Variants in DOCK4 observed in about 807,000 individuals in gnomAD.
The protein encoded by DOCK4 is dedicator of cytokinesis protein 4.
DOCK4 carries 97 observed loss-of-function variants against 268.1 expected under a neutral mutation model. The ratio of observed to expected loss-of-function variants is 0.36; its 90% confidence interval spans 0.31 to 0.43. The LOEUF (loss-of-function observed/expected upper bound fraction) is 0.43, where lower values mean the gene tolerates loss of function less well. Ranked by LOEUF, DOCK4 falls within the 20% of genes least tolerant of loss-of-function variation. DOCK4 has a pLI of 1.00. For synonymous variants in DOCK4, 954 were observed against 887.2 expected, an observed-to-expected ratio of 1.08 and a Z score of -1.34; for missense variants, 2,145 against 2,455.7, an observed-to-expected ratio of 0.87 and a Z score of 2.67.
chr7:112,142,479 G>A (rs1815026953), intron 1 of DOCK4, among the ~76,000 whole-genome samples: 1 of 152,116 alleles, frequency 6.6e-6, no homozygotes, highest in African/African-American at 2.4e-5. Context: ...AACTCAGCAG[G>A]TACAACACTG....
intron 11 of DOCK4, among the ~76,000 whole-genome samples, chr7:111,938,162 A>G (rs1250070003): frequency 6.6e-6 from 1 of 152,258 alleles, no homozygotes; most frequent in Non-Finnish European, 1.5e-5. Context: ...TTTAACATCA[A>G]CATCACAGGT....
chr7:112,105,909 T>C (rs1440079825), intron 1 of DOCK4, among the ~76,000 whole-genome samples: 2 of 152,190 alleles, frequency 1.3e-5, no homozygotes, highest in Admixed American at 1.3e-4. Flanking sequence ...CAGGCTGGTC[T>C]TGAACTCCTG....
chr7:112,026,067 A>G (rs1027984468), intron 1 of DOCK4, among the ~76,000 whole-genome samples: 5 of 152,226 alleles, frequency 3.3e-5, no homozygotes, highest in African/African-American at 4.8e-5. Flanking sequence ...ACACTAGTAT[A>G]TTATCAAACA....
intron 1 of DOCK4, among the ~76,000 whole-genome samples, chr7:112,046,739 C>T (rs1330080177): frequency 6.6e-6 from 1 of 152,092 alleles, no homozygotes; most frequent in Non-Finnish European, 1.5e-5. Flanking sequence ...AGAACATGTT[C>T]CTTGAGAGAG....
intron 52 of DOCK4, among the ~76,000 whole-genome samples, chr7:111,729,671 C>G (rs1314456683): frequency 6.6e-6 from 1 of 152,170 alleles, no homozygotes; most frequent in South Asian, 2.1e-4. Context: ...TTTGGGGGCG[C>G]TATTCACTTT....
intron 1 of DOCK4, among the ~76,000 whole-genome samples, chr7:112,056,139 A>G (rs949391413): frequency 6.6e-6 from 1 of 152,180 alleles, no homozygotes. Flanking sequence ...TGATGAGACC[A>G]GGTAGACTTC....
intron 1 of DOCK4, among the ~76,000 whole-genome samples, chr7:112,016,366 T>G (rs976450974): frequency 1.3e-5 from 2 of 152,220 alleles, no homozygotes; most frequent in African/African-American, 4.8e-5. Flanking sequence ...CCCTGCTTGG[T>G]GTATCTCATC....
chr7:111,905,304 A>C (rs1791471593), intron 13 of DOCK4, among the ~76,000 whole-genome samples: 1 of 152,186 alleles, frequency 6.6e-6, no homozygotes, highest in Non-Finnish European at 1.5e-5. Context: ...TTTCCCTGAC[A>C]ATGTTTATTA....
At chr7:111,894,144 C>A (rs537357139) in intron 16 of DOCK4, among the ~76,000 whole-genome samples, 33 of 151,930 alleles carry the variant, frequency 2.2e-4, no homozygotes, top group African/African-American at 7.5e-4. Context: ...ATGGTGTGAA[C>A]CCGGGAGGCA....
At chr7:111,736,365 C>T (rs1413678856) in intron 50 of DOCK4, among the ~76,000 whole-genome samples, 1 of 152,208 alleles carries the variant, frequency 6.6e-6, no homozygotes, top group Non-Finnish European at 1.5e-5. Context: ...GTGTTGCAGA[C>T]TGATCCTAAT....
chr7:112,037,014 C>A (rs900678738), intron 1 of DOCK4, among the ~76,000 whole-genome samples: 5 of 152,094 alleles, frequency 3.3e-5, no homozygotes, highest in African/African-American at 1.2e-4. Flanking sequence ...ACAGTAGAAA[C>A]CACACTTCAA....
rs148082270 is a variant in DOCK4, at chr7:112,002,097, G to C, written c.122-1563C>G. Among the ~76,000 whole-genome samples the C allele has an allele frequency of 3.6e-3, 549 of 152,008 alleles. 5 individuals are homozygous for C. The highest frequency in any genetic ancestry group is 0.012 in the African/African-American group (513 of 41,448). Reference sequence around the variant, plus strand: ...AAATTTTAATACAAAACAAATATTTGAGCTTTGTATTTAAACATTTTTCCT... The same window carrying C: ...AAATTTTAATACAAAACAAATATTTCAGCTTTGTATTTAAACATTTTTCCT... On this transcript the variant is annotated intron_variant, in intron 2 of 52. Coordinates refer to ENST00000428084, the MANE Select transcript of DOCK4 (RefSeq NM_001363540.2).
At chr7:111,905,925 A>G (rs1325789001) in intron 13 of DOCK4, among the ~76,000 whole-genome samples, 1 of 152,192 alleles carries the variant, frequency 6.6e-6, no homozygotes, top group Middle Eastern at 3.2e-3. Flanking sequence ...TTGAGTACCT[A>G]CTATGTGCTG....
chr7:111,944,022 T>C (rs1795412595), intron 10 of DOCK4, among the ~76,000 whole-genome samples: 1 of 152,184 alleles, frequency 6.6e-6, no homozygotes, highest in South Asian at 2.1e-4. Flanking sequence ...AATGACTGAT[T>C]AGACTTAACG....
intron 1 of DOCK4, among the ~76,000 whole-genome samples, chr7:112,175,817 C>CT (rs11377765): frequency 0.33 from 50,211 of 152,060 alleles, 11,330 homozygotes; most frequent in African/African-American, 0.63. Context: ...CCCCCATCCC[C>CT]TTTTTAATCT....
intron 42 of DOCK4, among the ~76,000 whole-genome samples, chr7:111,754,999 G>A (rs1796924597): frequency 6.6e-6 from 1 of 152,238 alleles, no homozygotes; most frequent in Non-Finnish European, 1.5e-5. Context: ...ACTGCTAGAA[G>A]AGAGTAATAT....
intron 49 of DOCK4, among the ~76,000 whole-genome samples, chr7:111,738,457 T>C (rs1300170217): frequency 6.6e-6 from 1 of 152,208 alleles, no homozygotes; most frequent in Non-Finnish European, 1.5e-5. Context: ...TTCAAGGGTA[T>C]TTTCCTAGTT....
At position 111,762,762 on chromosome 7, in the gene DOCK4, C is replaced by CTTTTTTTTTTTTTT. The variant is rs869052136; in HGVS notation, c.4020+2342_4020+2355dup. On this transcript the variant is annotated intron_variant, in intron 39 of 52. Transcript: ENST00000428084. ...TAAATAACCCATTTTGTTTTGTTTT[C>CTTTTTTTTTTTTTT]TTTTTTTTTTTTTTTTTTTTTTTTG... Among the ~76,000 whole-genome samples, 106 of 63,054 alleles carry CTTTTTTTTTTTTTT rather than the reference C, an allele frequency of 1.7e-3. 11 individuals are homozygous for CTTTTTTTTTTTTTT. Among genetic ancestry groups the CTTTTTTTTTTTTTT allele is most frequent in the African/African-American group, 2.3e-3 (43 of 18,366 alleles). 41.4% of individuals were successfully genotyped at this position (63,054 alleles called of 152,430 possible).
chr7:112,058,377 T>TAA (rs887818080), intron 1 of DOCK4, among the ~76,000 whole-genome samples: 3 of 152,208 alleles, frequency 2.0e-5, no homozygotes, highest in African/African-American at 7.2e-5. Flanking sequence ...GTAATATGCT[T>TAA]AAATTATATT....
Sources: allele counts gnomAD v4.1 joint callset (sites outside exome capture counted in the v4.1 genomes callset), GRCh38; gene constraint gnomAD v4.1.1; transcripts MANE v1.5; gene names NCBI Gene and HGNC (gene_info 2026-07-23, HGNC 2026-07-21).